RBFOX3: variants seen among roughly 807,000 people sequenced by gnomAD.
The protein encoded by RBFOX3 is RNA binding fox-1 homolog 3, also known as RNA binding protein fox-1 homolog 3.
Under a neutral mutation model 48.7 loss-of-function variants are expected in RBFOX3, and 17 were observed. That is an observed-to-expected ratio of 0.35 (90% confidence interval 0.24 to 0.52). RBFOX3 has a LOEUF of 0.52. RBFOX3 is among the 20% of genes least tolerant of loss of function. The pLI, the probability that RBFOX3 is intolerant of heterozygous loss-of-function variation, is 0.94. For missense variants in RBFOX3, 382 were observed against 497.5 expected, an observed-to-expected ratio of 0.77 and a Z score of 2.21; for synonymous variants, 212 against 209.5, an observed-to-expected ratio of 1.01 and a Z score of -0.10.
chr17:79,257,135 C>T (rs558599312), intron 3 of RBFOX3, among the ~76,000 whole-genome samples: 50 of 151,998 alleles, frequency 3.3e-4, no homozygotes, highest in African/African-American at 9.7e-4. Context: ...ACTGGGAAGC[C>T]GGAATGTGGC....
chr17:79,414,489 G>A (rs1312876242), intron 2 of RBFOX3, among the ~76,000 whole-genome samples: 1 of 152,130 alleles, frequency 6.6e-6, no homozygotes, highest in African/African-American at 2.4e-5. Flanking sequence ...ACGGTGCCCC[G>A]TGTGTCCAGG....
At chr17:79,492,240 G>T (rs922422652) in intron 1 of RBFOX3, among the ~76,000 whole-genome samples, 1 of 152,110 alleles carries the variant, frequency 6.6e-6, no homozygotes, top group Non-Finnish European at 1.5e-5. Context: ...CCTGCACTGG[G>T]GACTGTGGCA....
chr17:79,383,587 C>A (rs200778744), intron 2 of RBFOX3, among the ~76,000 whole-genome samples: 4 of 152,218 alleles, frequency 2.6e-5, no homozygotes, highest in Non-Finnish European at 5.9e-5. Context: ...CCTGCCCCAA[C>A]GTGTGGAAAG....
Position 79,307,835 on chromosome 17 carries a change from AAAAG to A in RBFOX3, c.-174-15_-174-12del, listed in dbSNP as rs1401832280. 1.3e-5 allele frequency: 2 copies of A among 153,794 alleles called. No individual in the cohort carries two copies. The highest frequency in any genetic ancestry group is 2.9e-5 in the Non-Finnish European group (2 of 68,042). The allele number at this position is 153,794 out of a possible 1,614,324, so 9.5% of individuals were successfully genotyped here. A position where few individuals can be genotyped will look rare whatever the true frequency, so the allele number is the denominator to read the frequency against. ...TGCTGTGACTTCAAGCTGCATTTCA[AAAAG>A]AAAACAAGAGAACAAAACGGTGTTC... On this transcript the variant is annotated splice_polypyrimidine_tract_variant and intron_variant, in intron 2 of 14. Transcript: ENST00000693108.
chr17:79,503,238 G>A (rs1207755284), intron 1 of RBFOX3, among the ~76,000 whole-genome samples: 1 of 152,136 alleles, frequency 6.6e-6, no homozygotes, highest in Non-Finnish European at 1.5e-5. Context: ...TTCCACAGGG[G>A]CTTAGGGGTT....
At chr17:79,508,039 G>C (rs1386372065) in intron 1 of RBFOX3, among the ~76,000 whole-genome samples, 1 of 152,228 alleles carries the variant, frequency 6.6e-6, no homozygotes, top group Non-Finnish European at 1.5e-5. Context: ...TCAGGGTCTG[G>C]CCCGTGGATT....
At chr17:79,190,467 C>G (rs1211588352) in intron 4 of RBFOX3, among the ~76,000 whole-genome samples, 2 of 142,500 alleles carry the variant, frequency 1.4e-5, no homozygotes, top group African/African-American at 5.1e-5. Flanking sequence ...AAGGAGTCCT[C>G]AGGGACAAGA....
At chr17:79,394,518 A>G (rs2061749878) in intron 2 of RBFOX3, among the ~76,000 whole-genome samples, 2 of 152,204 alleles carry the variant, frequency 1.3e-5, no homozygotes, top group Non-Finnish European at 2.9e-5. Flanking sequence ...GCCAGCCTCA[A>G]GGGCCTGTCC....
At chr17:79,368,697 T>G (rs2147522698) in intron 2 of RBFOX3, among the ~76,000 whole-genome samples, 1 of 152,274 alleles carries the variant, frequency 6.6e-6, no homozygotes, top group Middle Eastern at 3.4e-3. Flanking sequence ...ACCAGCCCGA[T>G]GCTGGTCCGA....
At chr17:79,115,392 G>A (rs937778431) in intron 5 of RBFOX3, 102 bp downstream of exon 5, 11 of 703,394 alleles carry the variant, frequency 1.6e-5, no homozygotes, top group African/African-American at 9.3e-5. Flanking sequence ...CAGGCCCCTC[G>A]CCCACCTGGT....
intron 1 of RBFOX3, among the ~76,000 whole-genome samples, chr17:79,564,470 G>A (rs1395621770): frequency 5.3e-5 from 8 of 152,160 alleles, no homozygotes; most frequent in African/African-American, 1.7e-4. Context: ...CATCTTAATA[G>A]GAGCCGAACC....
At chr17:79,159,409 G>A (rs1241194356) in intron 4 of RBFOX3, among the ~76,000 whole-genome samples, 2 of 152,118 alleles carry the variant, frequency 1.3e-5, no homozygotes, top group African/African-American at 2.4e-5. Flanking sequence ...CAATGCCCCC[G>A]GCTTAGCCCA....
Position 79,477,356 on chromosome 17 carries a change from A to G in RBFOX3, c.-175+5098T>C, listed in dbSNP as rs1196329047. On this transcript the variant is annotated intron_variant, in intron 2 of 14. Coordinates refer to ENST00000693108, the MANE Select transcript of RBFOX3 (RefSeq NM_001350451.2). The surrounding 1 kb of genome is among the most constrained non-coding windows in gnomAD (Gnocchi z 4.8). ...TGGATCACGAGGTCAGGAGATCGAG[A>G]TCATCCTGGCTAACACGGTGAAACC... Among the ~76,000 whole-genome samples the G allele has an allele frequency of 1.3e-5, 2 of 151,162 alleles. No homozygotes were observed. Among genetic ancestry groups the G allele is most frequent in the Non-Finnish European group, 2.9e-5 (2 of 67,856 alleles).
At chr17:79,573,721 C>T (rs2092762155) in intron 1 of RBFOX3, among the ~76,000 whole-genome samples, 2 of 152,170 alleles carry the variant, frequency 1.3e-5, no homozygotes. Flanking sequence ...TTGCCATCTT[C>T]CTCTGGAATG....
intron 4 of RBFOX3, among the ~76,000 whole-genome samples, chr17:79,161,756 C>T (rs79070272): frequency 0.24 from 19,548 of 80,034 alleles, 1,910 homozygotes; most frequent in South Asian, 0.44. Context: ...CCATCACACC[C>T]GGCTAATTTT....
chr17:79,428,778 G>A (rs536838820), intron 2 of RBFOX3, among the ~76,000 whole-genome samples: 7 of 152,316 alleles, frequency 4.6e-5, no homozygotes, highest in Admixed American at 2.6e-4. Flanking sequence ...CCTGCCCCCC[G>A]GCTTATGTTC....
chr17:79,581,226 C>T (rs1323129725), intron 1 of RBFOX3, among the ~76,000 whole-genome samples: 2 of 152,044 alleles, frequency 1.3e-5, no homozygotes, highest in African/African-American at 2.4e-5. Context: ...CCAGCCTGGG[C>T]GACAGAGCGA....
rs180735654 is a variant in RBFOX3, at chr17:79,199,134, G to A, written c.-34+36632C>T. Among the ~76,000 whole-genome samples the A allele has an allele frequency of 2.1e-4, 32 of 152,274 alleles. No homozygotes were observed. The highest frequency in any genetic ancestry group is 1.6e-3 in the Admixed American group (25 of 15,296). Reference sequence around the variant, plus strand: ...GGGCTGTCTCCATGGAGTGAAAGCTGCCCAGCAAAGGGTGCAGCTGTGGTC... The same window carrying A: ...GGGCTGTCTCCATGGAGTGAAAGCTACCCAGCAAAGGGTGCAGCTGTGGTC... On this transcript the variant is annotated intron_variant, in intron 4 of 14. Transcript: ENST00000693108. This position sits in a 1 kb window ranked among gnomAD's most constrained non-coding sequence, Gnocchi z 5.1.
intron 3 of RBFOX3, among the ~76,000 whole-genome samples, chr17:79,239,386 T>C (rs368672374): frequency 3.3e-5 from 5 of 152,226 alleles, no homozygotes; most frequent in African/African-American, 1.2e-4. Context: ...GGATAATCAA[T>C]TATGGTAATT....
Sources: gnomAD v4.1 joint callset for allele counts (sites outside exome capture counted in the v4.1 genomes callset) on GRCh38, gnomAD v4.1.1 for gene constraint, Gnocchi (gnomAD v3.1) non-coding constraint, MANE v1.5 for transcripts, NCBI Gene and HGNC (gene_info 2026-07-23, HGNC 2026-07-21) for gene names.